Variants in USP45 observed in about 807,000 individuals in gnomAD.
The protein encoded by USP45 is ubiquitin carboxyl-terminal hydrolase 45.
Under a neutral mutation model 95.8 loss-of-function variants are expected in USP45, and 89 were observed. The ratio of observed to expected loss-of-function variants is 0.93; its 90% confidence interval spans 0.78 to 1.11. USP45 has a LOEUF of 1.11. Among genes scored for constraint, USP45 ranks in the 50% least tolerant of loss-of-function variants. USP45 has a pLI of 0.00. For missense variants in USP45, 898 were observed against 942.5 expected, an observed-to-expected ratio of 0.95 and a Z score of 0.62; for synonymous variants, 281 against 316.2, an observed-to-expected ratio of 0.89 and a Z score of 1.18.
intron 1 of USP45, among the ~76,000 whole-genome samples, chr6:99,513,449 G>A (rs771822684): frequency 6.6e-6 from 1 of 152,132 alleles, no homozygotes; most frequent in African/African-American, 2.4e-5. Context: ...CCCCAAATTT[G>A]CAAACCTACC....
At chr6:99,487,017 A>C (rs1440187749) in intron 7 of USP45, among the ~76,000 whole-genome samples, 1 of 152,168 alleles carries the variant, frequency 6.6e-6, no homozygotes, top group Non-Finnish European at 1.5e-5. Flanking sequence ...TCCTAGTAAG[A>C]GAGTGCTGTA....
At chr6:99,482,520 G>A (rs1332485096) in intron 8 of USP45, 5 of 401,742 alleles carry the variant, frequency 1.2e-5, no homozygotes, top group Non-Finnish European at 2.2e-5. Context: ...ACTCAGACTA[G>A]GTGAGCCATT....
chr6:99,480,552 G>A (rs1792142503), intron 8 of USP45, among the ~76,000 whole-genome samples: 1 of 151,954 alleles, frequency 6.6e-6, no homozygotes, highest in African/African-American at 2.4e-5. Flanking sequence ...GCGGGCGCCT[G>A]TAATCCCAGG....
At chr6:99,456,679 G>A (rs140265071) in intron 13 of USP45, among the ~76,000 whole-genome samples, 1 of 152,138 alleles carries the variant, frequency 6.6e-6, no homozygotes, top group East Asian at 1.9e-4. Flanking sequence ...CCTGTCAGCT[G>A]AGGAGGATGT....
intron 5 of USP45, among the ~76,000 whole-genome samples, chr6:99,490,347 C>CT (rs78890143): frequency 1.9e-3 from 275 of 141,786 alleles, no homozygotes; most frequent in Admixed American, 6.2e-3. Context: ...TATTTTTTTT[C>CT]TTTTTTTTTT....
chr6:99,503,665 G>A, intron 5 of USP45, 100 bp downstream of exon 5: 1 of 765,640 alleles, frequency 1.3e-6, no homozygotes, highest in Non-Finnish European at 2.0e-6. Flanking sequence ...TTATTGGCTG[G>A]GCTGTCACAG....
chr6:99,464,040 C>T (rs1299216979), intron 13 of USP45, among the ~76,000 whole-genome samples: 1 of 151,814 alleles, frequency 6.6e-6, no homozygotes, highest in Non-Finnish European at 1.5e-5. Flanking sequence ...GGCGCAGTGG[C>T]TCACTCCTGT....
chr6:99,499,072 C>T (rs1456289903), intron 5 of USP45, among the ~76,000 whole-genome samples: 2 of 151,886 alleles, frequency 1.3e-5, no homozygotes, highest in Admixed American at 1.3e-4. Flanking sequence ...CACCCATATA[C>T]TATATGATTT....
intron 1 of USP45, among the ~76,000 whole-genome samples, chr6:99,511,077 T>C (rs922828255): frequency 2.6e-5 from 4 of 152,174 alleles, no homozygotes; most frequent in African/African-American, 7.2e-5. Flanking sequence ...TGGGGGTTTT[T>C]CACTCTAGCT....
At chr6:99,491,212 G>A (rs1054529470) in intron 5 of USP45, among the ~76,000 whole-genome samples, 2 of 152,138 alleles carry the variant, frequency 1.3e-5, no homozygotes, top group Non-Finnish European at 2.9e-5. Context: ...GGTCACTGAA[G>A]TACAAACACC....
chr6:99,503,531 C>T (rs780863512), intron 5 of USP45, among the ~76,000 whole-genome samples: 1 of 152,056 alleles, frequency 6.6e-6, no homozygotes, highest in Non-Finnish European at 1.5e-5. Flanking sequence ...GGGGTTTCAC[C>T]ATGTTGGCCA....
chr6:99,443,866 A>G (rs1253190413), intron 14 of USP45, among the ~76,000 whole-genome samples: 1 of 152,180 alleles, frequency 6.6e-6, no homozygotes, highest in Admixed American at 6.5e-5. Flanking sequence ...CACAGTTAAT[A>G]AGAACAAAGA....
intron 8 of USP45, 105 bp downstream of exon 8, chr6:99,482,648 G>T: frequency 1.7e-6 from 2 of 1,144,292 alleles, no homozygotes; most frequent in Non-Finnish European, 1.2e-6. Context: ...CATAGTCAGG[G>T]CAATAAGAGC....
intron 9 of USP45, among the ~76,000 whole-genome samples, chr6:99,470,351 T>C (rs542238023): frequency 1.3e-5 from 2 of 152,352 alleles, no homozygotes; most frequent in Non-Finnish European, 2.9e-5. Context: ...TTCTTCTGTG[T>C]ATGATATATG....
intron 8 of USP45, among the ~76,000 whole-genome samples, chr6:99,479,165 C>T (rs9494538): frequency 0.01 from 17 of 1,690 alleles, no homozygotes; most frequent in South Asian, 0.05. Flanking sequence ...TACATATATA[C>T]ACACACACAC....
At chr6:99,447,954 G>A (rs1481532257) in intron 13 of USP45, among the ~76,000 whole-genome samples, 1 of 152,206 alleles carries the variant, frequency 6.6e-6, no homozygotes, top group Admixed American at 6.5e-5. Flanking sequence ...TGGACCTCCA[G>A]CAAACTCCAA....
rs1051570691 is a variant in USP45 at position 99,449,416 on chromosome 6, AAAG to A, written c.1309-2956_1309-2954del. 3.3e-5 allele frequency among the ~76,000 whole-genome samples: 5 copies of A among 152,188 alleles called. No homozygotes were observed. The East Asian group carries it at 5.8e-4, about 18-fold the overall frequency. ...TTTAAAACAACAAAGATCAAAAGAG[AAAG>A]AAGGTCATTACATAATGGTAAAGGG... On this transcript the variant is annotated intron_variant, in intron 13 of 17. Transcript: ENST00000500704.
Position 99,465,150 on chromosome 6 carries a change from C to A in USP45, c.1108-14G>T. 1 of 1,574,522 alleles carries A rather than the reference C, an allele frequency of 6.4e-7. No homozygotes were observed. The highest frequency in any genetic ancestry group is 8.6e-7 in the Non-Finnish European group (1 of 1,157,070). Reference sequence around the variant, plus strand: ...CACCGTGGAGATCTTAAAAGGAAAACACATTGAAAACTTCAGTTAGAATTC... The same window carrying A: ...CACCGTGGAGATCTTAAAAGGAAAAAACATTGAAAACTTCAGTTAGAATTC... On this transcript the variant is annotated splice_polypyrimidine_tract_variant and intron_variant, in intron 11 of 17. Transcript: ENST00000500704.
rs376097232 is a variant in USP45, at chr6:99,493,487, GGTAT to G, written c.479-4671_479-4668del. 2.1e-3 allele frequency among the ~76,000 whole-genome samples: 321 copies of G among 152,066 alleles called. 2 individuals carry two copies. The highest frequency in any genetic ancestry group is 9.3e-3 in the South Asian group (45 of 4,820). ...GTCTCAATTACTTGACATTCATGCA[GGTAT>G]GTATGTATGTATGTATGTATTTTGA... is the stretch of plus-strand genomic sequence containing the variant. On this transcript the variant is annotated intron_variant, in intron 5 of 17. Transcript: ENST00000500704.
Sources: allele counts gnomAD v4.1 joint callset (sites outside exome capture counted in the v4.1 genomes callset), GRCh38; gene constraint gnomAD v4.1.1; transcripts MANE v1.5; gene names NCBI Gene and HGNC (gene_info 2026-07-23, HGNC 2026-07-21).